NLRP1: variants seen among roughly 807,000 people sequenced by gnomAD.
The protein encoded by NLRP1 is NACHT, LRR and PYD domains-containing protein 1.
A neutral mutation model predicts 136.7 loss-of-function variants in NLRP1; 94 were observed. That is an observed-to-expected ratio of 0.69 (90% confidence interval 0.58 to 0.82). The LOEUF is 0.82. NLRP1 is among the 40% of genes least tolerant of loss of function. The pLI, the probability that NLRP1 is intolerant of heterozygous loss-of-function variation, is 0.00. For missense variants in NLRP1, 1,575 were observed against 1,802.7 expected, an observed-to-expected ratio of 0.87 and a Z score of 2.29; for synonymous variants, 690 against 725.1, an observed-to-expected ratio of 0.95 and a Z score of 0.78.
At chr17:5,562,304 C>G (rs1231032183) in intron 3 of NLRP1, among the ~76,000 whole-genome samples, 2 of 152,220 alleles carry the variant, frequency 1.3e-5, no homozygotes, top group Non-Finnish European at 2.9e-5. Context: ...AGGGAAGAGC[C>G]CTCATTCTCT....
At chr17:5,510,675 GA>G (rs1260307578), downstream of NLRP1, among the ~76,000 whole-genome samples, 3 of 150,028 alleles carry the variant, frequency 2.0e-5, no homozygotes, top group Non-Finnish European at 3.0e-5. Flanking sequence ...CCAAAAAAAT[GA>G]AAAAAAATTT....
At chr17:5,536,080 C>T (rs1473038163) in intron 8 of NLRP1, among the ~76,000 whole-genome samples, 2 of 152,156 alleles carry the variant, frequency 1.3e-5, no homozygotes, top group Non-Finnish European at 2.9e-5. Context: ...GGACTAGAGG[C>T]CATTTGGTAT....
chr17:5,522,146 T>C (rs974274354), intron 12 of NLRP1, among the ~76,000 whole-genome samples: 1 of 152,232 alleles, frequency 6.6e-6, no homozygotes, highest in Non-Finnish European at 1.5e-5. Context: ...GATTTAGTGT[T>C]GTTACTGAGT....
rs190544943 is a variant in NLRP1 at position 5,558,392 on chromosome 17, C to T, written c.2304G>A (p.Gln768=). 3 of 1,614,010 alleles carry T rather than the reference C, an allele frequency of 1.9e-6. No individual in the cohort carries two copies. Among genetic ancestry groups the T allele is most frequent in the African/African-American group, 2.7e-5 (2 of 75,026 alleles). The change falls in exon 4 of 17, where the codon CAG becomes CAA. Residue 768 remains glutamine (Q), a synonymous_variant. Transcript: ENST00000572272. ...IKFSRHVKKL[Q]LIEGRQHRST... Reference sequence around the variant, plus strand: ...ATCTGTGCTGCCTGCCCTCAATCAGCTGAAGCTTCTTCACGTGGCGGCTGA... The same window carrying T: ...ATCTGTGCTGCCTGCCCTCAATCAGTTGAAGCTTCTTCACGTGGCGGCTGA...
chr17:5,516,915 GT>G (rs1434914663), intron 15 of NLRP1, among the ~76,000 whole-genome samples: 1 of 152,198 alleles, frequency 6.6e-6, no homozygotes, highest in Non-Finnish European at 1.5e-5. Context: ...TAGAAGGACT[GT>G]TTGGGGGTTT....
chr17:5,553,344 T>C, intron 5 of NLRP1, 42 bp downstream of exon 5: 1 of 1,551,122 alleles, frequency 6.4e-7, no homozygotes, highest in South Asian at 1.2e-5. Context: ...CTTGGATCTC[T>C]TCCCCATCCC....
rs199621754 is a variant in NLRP1, at chr17:5,559,520, C to T, written c.1176G>A (p.Pro392=). ...ELIGKDGTAT[P]APIRQILSRP... ...TAGACAGGATCTGTCTAATGGGAGCCGGAGTGGCTGTCCCATCTTTTCCGA... is the reference window on the plus strand; with the variant it reads ...TAGACAGGATCTGTCTAATGGGAGCTGGAGTGGCTGTCCCATCTTTTCCGA... Residue 392 remains proline, a synonymous_variant, in exon 4 of 17, where the codon CCG becomes CCA. Coordinates refer to ENST00000572272, the MANE Select transcript of NLRP1 (RefSeq NM_033004.4). 9 of 1,614,154 alleles carry T rather than the reference C, an allele frequency of 5.6e-6. No homozygotes were observed. Among genetic ancestry groups the T allele is most frequent in the Non-Finnish European group, 7.6e-6 (9 of 1,179,996 alleles).
intron 3 of NLRP1, among the ~76,000 whole-genome samples, chr17:5,562,191 C>T (rs1285685282): frequency 6.6e-6 from 1 of 152,234 alleles, no homozygotes; most frequent in Non-Finnish European, 1.5e-5. Context: ...TGGGTGCCAT[C>T]CCCTGTTCCT....
At chr17:5,508,339 CAG>C (rs544279751) in intron 15 of NLRP1, among the ~76,000 whole-genome samples, 64 of 152,286 alleles carry the variant, frequency 4.2e-4, no homozygotes, top group Admixed American at 1.9e-3. Flanking sequence ...TTTGTAGAGA[CAG>C]AGTCTTGCTA....
intron 12 of NLRP1, among the ~76,000 whole-genome samples, chr17:5,528,528 G>T (rs1909842073): frequency 6.6e-6 from 1 of 152,172 alleles, no homozygotes; most frequent in African/African-American, 2.4e-5. Context: ...TCTCCTCCTG[G>T]TGTGCAGCTT....
intron 5 of NLRP1, among the ~76,000 whole-genome samples, chr17:5,546,888 T>C (rs1912728462): frequency 6.6e-6 from 1 of 152,208 alleles, no homozygotes; most frequent in African/African-American, 2.4e-5. Context: ...GTTTTTATTG[T>C]GGGAAATATT....
Position 5,532,969 on chromosome 17 carries a change from T to C in NLRP1, c.3149A>G (p.Glu1050Gly). The C allele has an allele frequency of 6.2e-7, 1 of 1,612,278 alleles. No individual in the cohort carries two copies. The highest frequency in any genetic ancestry group is 1.1e-5 in the South Asian group (1 of 90,898). ...IAEIAEESSPEVVPVELLCVP... is the reference protein window; with the variant it reads ...IAEIAEESSPGVVPVELLCVP... Reference sequence around the variant, plus strand: ...GCACAAGAGTTCCACCGGTACTACCTCTGGGGAGCTTTCCTCTGAAACAGC... The same window carrying C: ...GCACAAGAGTTCCACCGGTACTACCCCTGGGGAGCTTTCCTCTGAAACAGC... Residue 1050 changes from glutamate to glycine, a missense_variant, in exon 11 of 17, where the codon GAG (glutamate) becomes GGG (glycine). Coordinates refer to ENST00000572272, the MANE Select transcript of NLRP1 (RefSeq NM_033004.4).
intron 15 of NLRP1, among the ~76,000 whole-genome samples, chr17:5,506,169 G>A (rs1423752830): frequency 1.3e-5 from 2 of 151,444 alleles, no homozygotes; most frequent in Non-Finnish European, 2.9e-5. Flanking sequence ...CTGTAATCAC[G>A]GCTACCCGAG....
At chr17:5,507,418 G>A (rs1459334701) in intron 15 of NLRP1, among the ~76,000 whole-genome samples, 1 of 152,174 alleles carries the variant, frequency 6.6e-6, no homozygotes, top group African/African-American at 2.4e-5. Context: ...AATTCAGCCG[G>A]GCATGGTGGC....
chr17:5,556,048 C>T (rs567574386), intron 4 of NLRP1, among the ~76,000 whole-genome samples: 12 of 150,598 alleles, frequency 8.0e-5, no homozygotes, highest in African/African-American at 1.7e-4. Flanking sequence ...GAGCAGAGAT[C>T]GTGCCACCGC....
chr17:5,529,973 T>C (rs1279116595), intron 12 of NLRP1: 1 of 456,674 alleles, frequency 2.2e-6, no homozygotes, highest in Non-Finnish European at 4.4e-6. Context: ...AAATCATACT[T>C]TGTGATTACT....
intron 11 of NLRP1, among the ~76,000 whole-genome samples, chr17:5,532,114 G>T (rs1910368256): frequency 6.6e-6 from 1 of 152,160 alleles, no homozygotes; most frequent in African/African-American, 2.4e-5. Flanking sequence ...ACACGTGGTG[G>T]CATGTGACTG....
At position 5,521,523 on chromosome 17, in the gene NLRP1, C is replaced by G. The variant is rs996255265; in HGVS notation, c.3783+1G>C. 1 of 1,612,014 alleles carries G rather than the reference C, an allele frequency of 6.2e-7. No individual in the cohort carries two copies. Among genetic ancestry groups the G allele is most frequent in the Non-Finnish European group, 8.5e-7 (1 of 1,178,744 alleles). ...CCAGCCTTTCTGGCTCTTAGTGTCA[C>G]CTTCCGAATGGAGCAGTCACTTGGG... On this transcript the variant is annotated splice_donor_variant, in intron 13 of 16. Transcript: ENST00000572272. LOFTEE classifies it high-confidence loss of function.
chr17:5,529,516 T>C (rs980989589), intron 12 of NLRP1, among the ~76,000 whole-genome samples: 72 of 152,056 alleles, frequency 4.7e-4, no homozygotes, highest in Middle Eastern at 6.8e-3. Context: ...TACAGGCGCC[T>C]GCCGCCACGC....
Sources: gnomAD v4.1 joint callset for allele counts (sites outside exome capture counted in the v4.1 genomes callset) on GRCh38, gnomAD v4.1.1 for gene constraint, MANE v1.5 for transcripts, NCBI Gene and HGNC (gene_info 2026-07-23, HGNC 2026-07-21) for gene names.